ERC1: variants seen among roughly 807,000 people sequenced by gnomAD.
The protein encoded by ERC1 is ELKS/RAB6-interacting/CAST family member 1.
In ERC1, 56 loss-of-function variants were observed where a neutral mutation model predicts 132.0. The ratio of observed to expected loss-of-function variants is 0.42; its 90% confidence interval spans 0.34 to 0.53. ERC1 has a LOEUF of 0.53. Ranked by LOEUF, ERC1 falls within the 20% of genes least tolerant of loss-of-function variation. The probability of loss-of-function intolerance (pLI) is 0.03; values close to 1 mark genes in which losing one functional copy is unlikely to be tolerated. For synonymous variants in ERC1, 478 were observed against 476.1 expected (o/e 1.00, Z -0.05); for missense variants, 1,202 against 1,349.9 (o/e 0.89, Z 1.72).
intron 2 of ERC1, among the ~76,000 whole-genome samples, chr12:1,077,031 T>C (rs1214201376): frequency 6.6e-6 from 1 of 152,208 alleles, no homozygotes; most frequent in Non-Finnish European, 1.5e-5. Context: ...TTTAAAACTC[T>C]TTTGCGTGTT....
At chr12:1,485,925 A>G (rs2094208264) in intron 18 of ERC1, among the ~76,000 whole-genome samples, 1 of 152,254 alleles carries the variant, frequency 6.6e-6, no homozygotes, top group Non-Finnish European at 1.5e-5. Context: ...TAGGTTTTAA[A>G]TATACATCTT....
intron 17 of ERC1, among the ~76,000 whole-genome samples, chr12:1,421,372 C>T (rs1244722682): frequency 6.6e-6 from 1 of 152,122 alleles, no homozygotes; most frequent in Non-Finnish European, 1.5e-5. Flanking sequence ...ATCTTCCTCC[C>T]CAAGAACTCA....
At chr12:1,145,744 T>G (rs573344746) in intron 8 of ERC1, among the ~76,000 whole-genome samples, 1 of 152,334 alleles carries the variant, frequency 6.6e-6, no homozygotes, top group East Asian at 1.9e-4. Context: ...TGAGTTGATT[T>G]TTGTATAAGG....
At chr12:1,307,992 C>T (rs1336441774) in intron 15 of ERC1, among the ~76,000 whole-genome samples, 1 of 152,042 alleles carries the variant, frequency 6.6e-6, no homozygotes, top group Admixed American at 6.6e-5. Flanking sequence ...GACAACAGTT[C>T]AAAACATCAG....
intron 14 of ERC1, among the ~76,000 whole-genome samples, chr12:1,269,943 TTAAGA>T (rs2077717306): frequency 6.6e-6 from 1 of 152,198 alleles, no homozygotes; most frequent in South Asian, 2.1e-4. Context: ...CATATTGGTG[TTAAGA>T]TAATGGATGA....
At chr12:1,331,399 G>A (rs575748002) in intron 15 of ERC1, among the ~76,000 whole-genome samples, 84 of 152,174 alleles carry the variant, frequency 5.5e-4, no homozygotes, top group Non-Finnish European at 1.0e-3. Flanking sequence ...TTGTCTAGCA[G>A]TTATCCATCT....
Position 1,180,577 on chromosome 12 carries a change from A to C in ERC1, c.1775A>C (p.Lys592Thr). Residue 592 changes from lysine (K) to threonine (T), a missense_variant, in exon 9 of 19, where the codon AAG becomes ACG. Coordinates refer to ENST00000360905, the MANE Select transcript of ERC1 (RefSeq NM_178040.4). ...NLQEQLRDKEKQMSSLKERVK... is the reference protein window; with the variant it reads ...NLQEQLRDKETQMSSLKERVK... ...CAAGAGCAGCTTAGAGACAAGGAAA[A>C]GCAGATGAGCAGCTTGAAAGAACGG... The C allele has an allele frequency of 6.2e-7, 1 of 1,614,066 alleles. No individual in the cohort carries two copies. Among genetic ancestry groups the C allele is most frequent in the Non-Finnish European group, 8.5e-7 (1 of 1,180,018 alleles).
intron 14 of ERC1, among the ~76,000 whole-genome samples, chr12:1,285,059 G>A (rs1042184088): frequency 2.0e-5 from 3 of 151,964 alleles, no homozygotes; most frequent in Non-Finnish European, 4.4e-5. Flanking sequence ...TATTTTAATC[G>A]AATTTTTTTT....
At chr12:1,116,300 TTAAAAA>T in intron 7 of ERC1, 1 of 278,556 alleles carries the variant, frequency 3.6e-6, no homozygotes, top group Non-Finnish European at 6.6e-6. Context: ...TCTGACAGTA[TTAAAAA>T]TAAAAGGATA....
At chr12:1,060,034 G>T (rs898223682) in intron 2 of ERC1, among the ~76,000 whole-genome samples, 11 of 152,218 alleles carry the variant, frequency 7.2e-5, no homozygotes, top group South Asian at 4.1e-4. Flanking sequence ...GTTCTGTTCA[G>T]GTTTACTACT....
At chr12:995,333 C>G (rs747457070) in intron 1 of ERC1, among the ~76,000 whole-genome samples, 1 of 152,050 alleles carries the variant, frequency 6.6e-6, no homozygotes, top group Non-Finnish European at 1.5e-5. Flanking sequence ...GTGAGGGTAT[C>G]TCTGACCAAG....
chr12:1,446,206 G>T (rs917482764), intron 18 of ERC1, among the ~76,000 whole-genome samples: 1 of 152,082 alleles, frequency 6.6e-6, no homozygotes, highest in African/African-American at 2.4e-5. Context: ...TGCAGTAAAA[G>T]ACAGGGTAAG....
chr12:1,396,095 C>T (rs2090518639), intron 16 of ERC1, among the ~76,000 whole-genome samples: 1 of 152,150 alleles, frequency 6.6e-6, no homozygotes, highest in African/African-American at 2.4e-5. Flanking sequence ...TTTTGTGAAA[C>T]TAGTGTAAGG....
chr12:1,120,053 T>C (rs1331783531), intron 7 of ERC1, among the ~76,000 whole-genome samples: 1 of 152,132 alleles, frequency 6.6e-6, no homozygotes, highest in Non-Finnish European at 1.5e-5. Flanking sequence ...AGTGCCTTGA[T>C]CATAGCTCAC....
chr12:1,230,004 C>CTT (rs754220477), intron 12 of ERC1, among the ~76,000 whole-genome samples: 151 of 107,762 alleles, frequency 1.4e-3, no homozygotes, highest in Middle Eastern at 0.012. Context: ...CTTTTTGACT[C>CTT]TTTTTTTTTT....
intron 14 of ERC1, among the ~76,000 whole-genome samples, chr12:1,269,821 A>C (rs1951327298): frequency 1.3e-5 from 2 of 152,046 alleles, no homozygotes; most frequent in East Asian, 1.9e-4. Flanking sequence ...CTCCTTTTTC[A>C]TTTTCCCCTT....
chr12:1,228,115 A>G (rs914580356), intron 12 of ERC1, among the ~76,000 whole-genome samples: 13 of 152,154 alleles, frequency 8.5e-5, no homozygotes, highest in Non-Finnish European at 1.8e-4. Context: ...ACAATTGGCT[A>G]TTCACGGTCT....
At chr12:1,424,817 AGATAGATAGATAGATAGATAGATAGAT>A (rs2092557998) in intron 17 of ERC1, among the ~76,000 whole-genome samples, 1 of 137,980 alleles carries the variant, frequency 7.2e-6, no homozygotes, top group African/African-American at 2.9e-5. Flanking sequence ...ATAGATAGAT[AGATAGATAGATAGATAGATAGATAGAT>A]GATAGATAGA....
chr12:1,261,666 CTTTTGTTTTG>C lies in ERC1; in HGVS notation c.2488-1349_2488-1340del, dbSNP rs371551466. On this transcript the variant is annotated intron_variant, in intron 13 of 18. Transcript: ENST00000360905. ...GAGCTCAACAAACAACGTTTGTTTT[CTTTTGTTTTG>C]TTTTGTTTTGTTTTGTTTGATACAG... 7.2e-4 allele frequency among the ~76,000 whole-genome samples: 110 copies of C among 151,732 alleles called. No individual in the cohort carries two copies. The East Asian group carries it at 9.6e-3, about 13-fold the overall frequency.
Sources: gnomAD v4.1 joint callset for allele counts (sites outside exome capture counted in the v4.1 genomes callset) on GRCh38, gnomAD v4.1.1 for gene constraint, MANE v1.5 for transcripts, NCBI Gene and HGNC (gene_info 2026-07-23, HGNC 2026-07-21) for gene names.